The following VN1R1 variants were observed in gnomAD, a reference collection of about 807,000 sequenced individuals.
VN1R1 encodes the protein vomeronasal type-1 receptor 1.
For synonymous variants in VN1R1, 168 were observed against 149.8 expected (o/e 1.12, Z -0.89); for missense variants, 391 against 410.3 (o/e 0.95, Z 0.41).
In VN1R1 at chr19:57,456,543, T is replaced by C; in HGVS notation, c.-57A>G. On this transcript the variant is annotated 5_prime_UTR_variant, in exon 1 of 1. Coordinates refer to ENST00000321039, the MANE Select transcript of VN1R1 (RefSeq NM_020633.4). Reference sequence around the variant, plus strand: ...TCCCTGTTCGTGCAAAGGCAATTGCTTGTGTGTCCAACTGCAGAGAAGCAG... The same window carrying C: ...TCCCTGTTCGTGCAAAGGCAATTGCCTGTGTGTCCAACTGCAGAGAAGCAG... 1.4e-6 allele frequency: 2 copies of C among 1,418,616 alleles called. No individual in the cohort carries two copies. Among genetic ancestry groups the C allele is most frequent in the East Asian group, 4.7e-5 (2 of 42,446 alleles). The allele number at this position is 1,418,616 out of a possible 1,614,324, so 87.9% of individuals were successfully genotyped here. A position where few individuals can be genotyped will look rare whatever the true frequency, so the allele number is the denominator to read the frequency against.
rs749930821 is a variant in VN1R1, at chr19:57,455,817, A to G, written c.670T>C (p.Tyr224His). ...KRFSSLHAVL[Y>H]FSPDFMSLGF... is the part of the protein sequence containing the mutation. ...AAACTCATAAAATCAGGGGAAAAAT[A>G]TAAGACTGCATGTAATGAGCTAAAT... is the stretch of plus-strand genomic sequence containing the variant. Residue 224 changes from tyrosine to histidine, a missense_variant, in exon 1 of 1, where the codon TAT (tyrosine) becomes CAT (histidine). Coordinates refer to ENST00000321039, the MANE Select transcript of VN1R1 (RefSeq NM_020633.4). The G allele has an allele frequency of 2.5e-6, 4 of 1,614,120 alleles. No individual in the cohort carries two copies. The highest frequency in any genetic ancestry group is 2.2e-5 in the East Asian group (1 of 44,902).
rs1350838038 is a variant in VN1R1, at chr19:57,456,054, A to G, written c.433T>C (p.Phe145Leu). 1.9e-6 allele frequency: 3 copies of G among 1,614,170 alleles called. No individual in the cohort carries two copies. Among genetic ancestry groups the G allele is most frequent in the Non-Finnish European group, 2.5e-6 (3 of 1,180,024 alleles). ...CTGGGGTTGAGCTTAATGGCTTGGAATCCATTGAGAAGGCAGATGGTGCTG... is the reference window on the plus strand; with the variant it reads ...CTGGGGTTGAGCTTAATGGCTTGGAGTCCATTGAGAAGGCAGATGGTGCTG... ...SLSTICLLNG[F>L]QAIKLNPSIC... The change falls in exon 1 of 1, where the codon TTC becomes CTC. Residue 145 changes from phenylalanine to leucine, a missense_variant. Transcript: ENST00000321039.
Position 57,455,771 on chromosome 19 carries a change from C to T in VN1R1, c.716G>A (p.Ser239Asn), listed in dbSNP as rs1170020870. 6.2e-7 allele frequency: 1 copy of T among 1,613,962 alleles called. No homozygotes were observed. Among genetic ancestry groups the T allele is most frequent in the Admixed American group, 1.7e-5 (1 of 60,012 alleles). The change falls in exon 1 of 1, where the codon AGT (serine) becomes AAT (asparagine). Residue 239 changes from serine to asparagine, a missense_variant. Ser to Asn is a conservative substitution (Grantham distance 46). Coordinates refer to ENST00000321039, the MANE Select transcript of VN1R1 (RefSeq NM_020633.4). ...FMSLGFMVWA[S>N]GSMVFFLYRH... The stretch of plus-strand genomic sequence containing the variant: ...GTAGAGGAAGAAGACCATGGAGCCA[C>T]TGGCCCAGACCATGAAGCCCAAACT...
At position 57,455,462 on chromosome 19, in the gene VN1R1, C is replaced by T; in HGVS notation, c.1025G>A (p.Arg342Lys). 6.2e-7 allele frequency: 1 copy of T among 1,613,836 alleles called. No individual in the cohort carries two copies. Among genetic ancestry groups the T allele is most frequent in the Non-Finnish European group, 8.5e-7 (1 of 1,179,940 alleles). The part of the protein sequence containing the change: ...ISQFCFACRT[R>K]KTLFPNLVVM... ...AACCAGATTAGGAAAGAGTGTTTTCCTTGTCCTGCAGGCAAAACAGAACTG... is the reference window on the plus strand; with the variant it reads ...AACCAGATTAGGAAAGAGTGTTTTCTTTGTCCTGCAGGCAAAACAGAACTG... Residue 342 changes from arginine (R) to lysine (K), a missense_variant, in exon 1 of 1, where the codon AGG becomes AAG. Arg to Lys is a conservative substitution (Grantham distance 26). Coordinates refer to ENST00000321039, the MANE Select transcript of VN1R1 (RefSeq NM_020633.4).
Position 57,456,636 on chromosome 19 carries a change from C to T in VN1R1, c.-150G>A. On this transcript the variant is annotated 5_prime_UTR_variant, in exon 1 of 1. The change creates a new upstream start codon in the 5' untranslated region. Transcript: ENST00000321039. ...AAACCTATAAAACTCAGGGCTTACA[C>T]ACATGCAACAAGTAAATACAAGCAA... The T allele has an allele frequency of 1.8e-6, 1 of 566,556 alleles. No homozygotes were observed. 35.1% of individuals were successfully genotyped at this position (566,556 alleles called of 1,614,324 possible).
At position 57,455,247 on chromosome 19, in the gene VN1R1, GA is replaced by G; in HGVS notation, c.*177del. 1 of 621,210 alleles carries G rather than the reference GA, an allele frequency of 1.6e-6. No individual in the cohort carries two copies. Among genetic ancestry groups the G allele is most frequent in the Admixed American group, 3.0e-5 (1 of 33,052 alleles). 38.5% of individuals were successfully genotyped at this position (621,210 alleles called of 1,614,324 possible). A position where few individuals can be genotyped will look rare whatever the true frequency, so the allele number is the denominator to read the frequency against. ...CTGAAGGACTTAACACAGTTATATA[GA>G]GTGTTCTTTGTGTAACAGTATCCAT... On this transcript the variant is annotated 3_prime_UTR_variant, in exon 1 of 1. Transcript: ENST00000321039.
In VN1R1 at chr19:57,455,911, G is replaced by A. The variant is rs767377419; in HGVS notation, c.576C>T (p.Gly192=). Residue 192 remains glycine (G), a synonymous_variant, in exon 1 of 1, where the codon GGC becomes GGT. Coordinates refer to ENST00000321039, the MANE Select transcript of VN1R1 (RefSeq NM_020633.4). ...CACTACTGTTTTTGCTATTCAGTGG[G>A]CCATTCACTAATAGAAGAACAGATG... The part of the protein sequence containing the change: ...MNASVLLLVN[G]PLNSKNSSAK... The A allele has an allele frequency of 1.9e-6, 3 of 1,614,184 alleles. No individual in the cohort carries two copies. Among genetic ancestry groups the A allele is most frequent in the East Asian group, 2.2e-5 (1 of 44,890 alleles).
chr19:57,456,097 C>T lies in VN1R1; in HGVS notation c.390G>A (p.Val130=). ...TGGTGCTGAGGGAAACTCTTGTGCC[C>T]ACCCTGTGATAATAAAAGACAAACT... is the stretch of plus-strand genomic sequence containing the variant. The part of the protein sequence containing the change: ...GCKFVFYYHR[V]GTRVSLSTIC... The change falls in exon 1 of 1, where the codon GTG becomes GTA. Residue 130 remains valine (V), a synonymous_variant. Coordinates refer to ENST00000321039, the MANE Select transcript of VN1R1 (RefSeq NM_020633.4). The T allele has an allele frequency of 1.2e-6, 2 of 1,614,148 alleles. No individual in the cohort carries two copies. Among genetic ancestry groups the T allele is most frequent in the Middle Eastern group, 1.6e-4 (1 of 6,062 alleles).
rs144835279 is a variant in VN1R1, at chr19:57,456,270, T to C, written c.217A>G (p.Ile73Val). 113 of 1,613,402 alleles carry C rather than the reference T, an allele frequency of 7.0e-5. No individual in the cohort carries two copies. Among genetic ancestry groups the C allele is most frequent in the African/African-American group, 3.3e-4 (25 of 74,770 alleles). The stretch of plus-strand genomic sequence containing the variant: ...CTCAGCTTGTGTCCAGTGAACAAAA[T>C]TAAGTTATAAAAACAAAGGAGAAAG... ...NSFLLCFYNL[I>V]LFTGHKLRPT... is the part of the protein sequence containing the mutation. Residue 73 changes from isoleucine (I) to valine (V), a missense_variant, in exon 1 of 1, where the codon ATT becomes GTT. Ile to Val is a conservative substitution (Grantham distance 29, BLOSUM62 3). Coordinates refer to ENST00000321039, the MANE Select transcript of VN1R1 (RefSeq NM_020633.4).
Position 57,456,796 on chromosome 19 carries a change from T to G in VN1R1, c.-310A>C. Reference sequence around the variant, plus strand: ...AGGGCTTTTTCTGTATTATTTCTTATGACTGCTTGTGAGTCTACACTTATT... The same window carrying G: ...AGGGCTTTTTCTGTATTATTTCTTAGGACTGCTTGTGAGTCTACACTTATT... On this transcript the variant is annotated 5_prime_UTR_variant, in exon 1 of 1. Coordinates refer to ENST00000321039, the MANE Select transcript of VN1R1 (RefSeq NM_020633.4). 4.2e-6 allele frequency: 1 copy of G among 239,090 alleles called. No individual in the cohort carries two copies. The highest frequency in any genetic ancestry group is 8.0e-6 in the Non-Finnish European group (1 of 125,384). The allele number at this position is 239,090 out of a possible 1,614,324, so 14.8% of individuals were successfully genotyped here.
chr19:57,454,948 G>A lies in VN1R1; in HGVS notation c.*477C>T, dbSNP rs189508988. ...GCTGGTCTCGAACTCCTGGCCTCAAGTCATCTTGAGTGGATCACTTGAGGC... is the reference window on the plus strand; with the variant it reads ...GCTGGTCTCGAACTCCTGGCCTCAAATCATCTTGAGTGGATCACTTGAGGC... On this transcript the variant is annotated 3_prime_UTR_variant, in exon 1 of 1. Coordinates refer to ENST00000321039, the MANE Select transcript of VN1R1 (RefSeq NM_020633.4). 1 of 154,292 alleles carries A rather than the reference G, an allele frequency of 6.5e-6. No individual in the cohort carries two copies. Among genetic ancestry groups the A allele is most frequent in the African/African-American group, 2.4e-5 (1 of 41,444 alleles). 9.6% of individuals were successfully genotyped at this position (154,292 alleles called of 1,614,324 possible).
chr19:57,455,950 A>C lies in VN1R1; in HGVS notation c.537T>G (p.His179Gln), dbSNP rs371802438. ...GAAGAACAGATGCATTCATCAAGAC[A>C]TGGGGGGCCCAGCAGAGGAGACAAC... The part of the protein sequence containing the change: ...DFCCLLCWAP[H>Q]VLMNASVLLL... Residue 179 changes from histidine to glutamine, a missense_variant, in exon 1 of 1, where the codon CAT becomes CAG. Physicochemically the swap from His to Gln is conservative, Grantham distance 24. Coordinates refer to ENST00000321039, the MANE Select transcript of VN1R1 (RefSeq NM_020633.4). 8 of 1,614,122 alleles carry C rather than the reference A, an allele frequency of 5.0e-6. No homozygotes were observed. Among genetic ancestry groups the C allele is most frequent in the Non-Finnish European group, 6.8e-6 (8 of 1,180,050 alleles).
chr19:57,455,265 A>T lies in VN1R1; in HGVS notation c.*160T>A, dbSNP rs1001955317. 2 of 663,914 alleles carry T rather than the reference A, an allele frequency of 3.0e-6. No homozygotes were observed. Among genetic ancestry groups the T allele is most frequent in the Non-Finnish European group, 5.1e-6 (2 of 395,988 alleles). The allele number at this position is 663,914 out of a possible 1,614,324, so 41.1% of individuals were successfully genotyped here. On this transcript the variant is annotated 3_prime_UTR_variant, in exon 1 of 1. Coordinates refer to ENST00000321039, the MANE Select transcript of VN1R1 (RefSeq NM_020633.4). ...TTATATAGAGTGTTCTTTGTGTAAC[A>T]GTATCCATGACTTTCATTTTTAGCT...
chr19:57,456,181 C>T lies in VN1R1; in HGVS notation c.306G>A (p.Gly102=). The change falls in exon 1 of 1, where the codon GGG becomes GGA. Residue 102 remains glycine (G), a synonymous_variant. Transcript: ENST00000321039. ...LANSMVLFFK[G]IPQTMAAFGL... ...CAAAAGCTGCCATTGTCTGAGGTAT[C>T]CCTTTAAAGAAAAGGACCATGGAGT... 1 of 1,614,156 alleles carries T rather than the reference C, an allele frequency of 6.2e-7. No homozygotes were observed. Among genetic ancestry groups the T allele is most frequent in the Non-Finnish European group, 8.5e-7 (1 of 1,180,044 alleles).
In VN1R1 at chr19:57,456,155, C is replaced by A. The variant is rs1335074770; in HGVS notation, c.332G>T (p.Gly111Val). ...KGIPQTMAAF[G>V]LKYLLNDTGC... Reference sequence around the variant, plus strand: ...AGTGTCATTCAGCAAATATTTCAATCCAAAAGCTGCCATTGTCTGAGGTAT... The same window carrying A: ...AGTGTCATTCAGCAAATATTTCAATACAAAAGCTGCCATTGTCTGAGGTAT... Residue 111 changes from glycine to valine, a missense_variant, in exon 1 of 1, where the codon GGA (glycine) becomes GTA (valine). Gly to Val is a moderately radical substitution (Grantham distance 109). Coordinates refer to ENST00000321039, the MANE Select transcript of VN1R1 (RefSeq NM_020633.4). 6 of 1,614,072 alleles carry A rather than the reference C, an allele frequency of 3.7e-6. No homozygotes were observed. The South Asian group carries it at 4.4e-5, about 12-fold the overall frequency.
Position 57,455,315 on chromosome 19 carries a change from G to A in VN1R1, c.*110C>T, listed in dbSNP as rs924814395. The stretch of plus-strand genomic sequence containing the variant: ...TCTGGTATTAGATCTTCCTGGACAA[G>A]AGCATTACTGGCCATGTGTATGTTG... On this transcript the variant is annotated 3_prime_UTR_variant, in exon 1 of 1. Coordinates refer to ENST00000321039, the MANE Select transcript of VN1R1 (RefSeq NM_020633.4). The A allele has an allele frequency of 4.5e-5, 45 of 1,002,896 alleles. No homozygotes were observed. The highest frequency in any genetic ancestry group is 1.3e-4 in the Admixed American group (5 of 37,310). 62.1% of individuals were successfully genotyped at this position (1,002,896 alleles called of 1,614,324 possible). A position where few individuals can be genotyped will look rare whatever the true frequency, so the allele number is the denominator to read the frequency against.
chr19:57,456,306 G>A lies in VN1R1; in HGVS notation c.181C>T (p.Leu61=). 1.2e-6 allele frequency: 2 copies of A among 1,613,116 alleles called. No homozygotes were observed. Among genetic ancestry groups the A allele is most frequent in the African/African-American group, 1.3e-5 (1 of 75,006 alleles). ...AAACAAAGGAGAAAGGAATTTCCCAGGATCCCAACTCCAGTCTGAATGAGG... is the reference window on the plus strand; with the variant it reads ...AAACAAAGGAGAAAGGAATTTCCCAAGATCCCAACTCCAGTCTGAATGAGG... ...SFLIQTGVGI[L]GNSFLLCFYN... The change falls in exon 1 of 1, where the codon CTG becomes TTG. Residue 61 remains leucine (L), a synonymous_variant. Coordinates refer to ENST00000321039, the MANE Select transcript of VN1R1 (RefSeq NM_020633.4).
In VN1R1 at chr19:57,456,058, A is replaced by G. The variant is rs1020425425; in HGVS notation, c.429T>C (p.Asn143=). 23 of 1,614,052 alleles carry G rather than the reference A, an allele frequency of 1.4e-5. No homozygotes were observed. Among genetic ancestry groups the G allele is most frequent in the Non-Finnish European group, 1.9e-5 (22 of 1,180,030 alleles). ...GGTTGAGCTTAATGGCTTGGAATCC[A>G]TTGAGAAGGCAGATGGTGCTGAGGG... ...RVSLSTICLL[N]GFQAIKLNPS... Residue 143 remains asparagine (N), a synonymous_variant, in exon 1 of 1, where the codon AAT becomes AAC. Transcript: ENST00000321039.
rs1294970362 is a variant in VN1R1, at chr19:57,455,668, G to A, written c.819C>T (p.His273=). Residue 273 remains histidine (H), a synonymous_variant, in exon 1 of 1, where the codon CAC becomes CAT. Coordinates refer to ENST00000321039, the MANE Select transcript of VN1R1 (RefSeq NM_020633.4). ...AGGAGCTCACCAGGACCATGATGGTGTGTGTGGCTCTGGCTTCCTGGGAAG... is the reference window on the plus strand; with the variant it reads ...AGGAGCTCACCAGGACCATGATGGTATGTGTGGCTCTGGCTTCCTGGGAAG... The part of the protein sequence containing the change: ...CRPSQEARAT[H]TIMVLVSSFF... 5 of 1,614,058 alleles carry A rather than the reference G, an allele frequency of 3.1e-6. No homozygotes were observed. Among genetic ancestry groups the A allele is most frequent in the Non-Finnish European group, 4.2e-6 (5 of 1,180,032 alleles).
Sources: allele counts gnomAD v4.1 joint callset, GRCh38; gene constraint gnomAD v4.1.1; transcripts MANE v1.5; gene names NCBI Gene and HGNC (gene_info 2026-07-23, HGNC 2026-07-21).